TRAPPC12: variants seen among roughly 807,000 people sequenced by gnomAD.
The protein encoded by TRAPPC12 is trafficking protein particle complex subunit 12.
Under a neutral mutation model 69.2 loss-of-function variants are expected in TRAPPC12, and 61 were observed. The observed-to-expected ratio is 0.88, with a 90% CI of 0.72 to 1.09. The LOEUF (loss-of-function observed/expected upper bound fraction) is 1.09, where lower values mean the gene tolerates loss of function less well. Ranked by LOEUF, TRAPPC12 falls within the 50% of genes least tolerant of loss-of-function variation. TRAPPC12 has a pLI of 0.00. For missense variants in TRAPPC12, 1,101 were observed against 1,016.4 expected (o/e 1.08, Z -1.13); for synonymous variants, 469 against 438.9 (o/e 1.07, Z -0.86).
chr2:3,460,392 G>A, intron 8 of TRAPPC12, 56 bp downstream of exon 8: 1 of 834,396 alleles, frequency 1.2e-6, no homozygotes, highest in South Asian at 1.4e-5. Context: ...GGGTCAGTGG[G>A]AGCCGCGAGG....
At chr2:3,447,345 G>A (rs766294581) in intron 6 of TRAPPC12, among the ~76,000 whole-genome samples, 3 of 152,106 alleles carry the variant, frequency 2.0e-5, no homozygotes, top group East Asian at 1.9e-4. Flanking sequence ...TGATCCACCC[G>A]CCTTGGCCTC....
At chr2:3,409,322 G>C (rs565317021) in intron 3 of TRAPPC12, among the ~76,000 whole-genome samples, 2 of 152,210 alleles carry the variant, frequency 1.3e-5, no homozygotes, top group East Asian at 3.9e-4. Flanking sequence ...AAAGTAAACT[G>C]GAACTATAGA....
At chr2:3,422,593 A>G (rs1662873288) in intron 4 of TRAPPC12, among the ~76,000 whole-genome samples, 1 of 152,174 alleles carries the variant, frequency 6.6e-6, no homozygotes, top group African/African-American at 2.4e-5. Context: ...TAAACAGATC[A>G]CCAGATCCTT....
At position 3,387,935 on chromosome 2, in the gene TRAPPC12, C is replaced by T. The variant is rs1660576451; in HGVS notation, c.312C>T (p.Pro104=). The stretch of plus-strand genomic sequence containing the variant: ...GGGAAGGCGACCCAGGCCCGGAGCC[C>T]GCGGGCACCCCGAGTCCCAGCGGCG... The part of the protein sequence containing the change: ...PGGEGDPGPE[P]AGTPSPSGEA... Residue 104 remains proline (P), a synonymous_variant, in exon 2 of 12, where the codon CCC becomes CCT. Transcript: ENST00000324266. The T allele has an allele frequency of 4.7e-6, 7 of 1,504,360 alleles. No individual in the cohort carries two copies. Among genetic ancestry groups the T allele is most frequent in the African/African-American group, 2.9e-5 (2 of 69,890 alleles). The allele number at this position is 1,504,360 out of a possible 1,614,324, so 93.2% of individuals were successfully genotyped here.
rs139564157 is a variant in TRAPPC12 at position 3,464,185 on chromosome 2, T to TCA, written c.1678-1406_1678-1405dup. On this transcript the variant is annotated intron_variant, in intron 8 of 11. Coordinates refer to ENST00000324266, the MANE Select transcript of TRAPPC12 (RefSeq NM_016030.6). Reference sequence around the variant, plus strand: ...ACACGCTCACACTCATACACAATGCTCACACACGCTTACACACACATGCTC... The same window carrying TCA: ...ACACGCTCACACTCATACACAATGCTCACACACACGCTTACACACACATGCTC... Among the ~76,000 whole-genome samples the TCA allele has an allele frequency of 5.0e-3, 767 of 151,912 alleles. 5 individuals carry two copies. Among genetic ancestry groups the TCA allele is most frequent in the African/African-American group, 0.018 (738 of 41,378 alleles).
chr2:3,449,318 A>G (rs1216494914), intron 6 of TRAPPC12: 1 of 152,466 alleles, frequency 6.6e-6, no homozygotes, highest in Non-Finnish European at 1.5e-5. Context: ...TTGTAGTTTC[A>G]TTCGTCAGTG....
intron 6 of TRAPPC12, among the ~76,000 whole-genome samples, chr2:3,444,847 AT>A (rs1040053840): frequency 6.6e-6 from 1 of 152,070 alleles, no homozygotes; most frequent in Admixed American, 6.6e-5. Context: ...ACCCACTTCC[AT>A]TTTTTTATTA....
At chr2:3,474,634 G>A (rs2103172278) in intron 9 of TRAPPC12, among the ~76,000 whole-genome samples, 1 of 152,326 alleles carries the variant, frequency 6.6e-6, no homozygotes, top group South Asian at 2.1e-4. Context: ...CCGGGTTTCT[G>A]CGTTTATAAG....
intron 5 of TRAPPC12, among the ~76,000 whole-genome samples, chr2:3,434,267 A>G (rs1424589518): frequency 6.6e-6 from 1 of 152,156 alleles, no homozygotes; most frequent in Non-Finnish European, 1.5e-5. Flanking sequence ...AAATTCACAC[A>G]CCTTACCTGG....
At chr2:3,419,880 C>T (rs989561973) in intron 3 of TRAPPC12, among the ~76,000 whole-genome samples, 12 of 152,294 alleles carry the variant, frequency 7.9e-5, no homozygotes, top group East Asian at 5.8e-4. Context: ...TGCCACGGGA[C>T]GTGCAGCCGT....
At chr2:3,399,430 T>A (rs1661299424) in intron 2 of TRAPPC12, among the ~76,000 whole-genome samples, 1 of 152,258 alleles carries the variant, frequency 6.6e-6, no homozygotes. Flanking sequence ...ATCAGTTAGC[T>A]GATTTTGTGG....
intron 9 of TRAPPC12, among the ~76,000 whole-genome samples, chr2:3,470,223 C>T (rs1055395260): frequency 1.3e-5 from 2 of 152,222 alleles, no homozygotes; most frequent in Admixed American, 6.5e-5. Context: ...TCAACCCTAG[C>T]GAGGAGGGAG....
At chr2:3,447,640 C>T (rs2103109684) in intron 6 of TRAPPC12, among the ~76,000 whole-genome samples, 1 of 152,298 alleles carries the variant, frequency 6.6e-6, no homozygotes, top group African/African-American at 2.4e-5. Flanking sequence ...CACTGGAGCT[C>T]ACATTTCAAC....
intron 5 of TRAPPC12, among the ~76,000 whole-genome samples, chr2:3,436,066 T>G (rs1663756345): frequency 1.3e-5 from 2 of 152,228 alleles, no homozygotes; most frequent in South Asian, 2.1e-4. Flanking sequence ...CAGCCTCTTG[T>G]GGAGGGCAGG....
At chr2:3,396,039 A>AT (rs1362781810) in intron 2 of TRAPPC12, among the ~76,000 whole-genome samples, 1 of 152,024 alleles carries the variant, frequency 6.6e-6, no homozygotes, top group African/African-American at 2.4e-5. Flanking sequence ...TAGTTCTTGT[A>AT]TTTTTAGTAG....
intron 3 of TRAPPC12, among the ~76,000 whole-genome samples, chr2:3,412,215 A>G (rs74468267): frequency 6.6e-6 from 1 of 152,086 alleles, no homozygotes; most frequent in African/African-American, 2.4e-5. Flanking sequence ...TAAAGGAGAA[A>G]TAGGAATTAA....
intron 1 of TRAPPC12, among the ~76,000 whole-genome samples, chr2:3,381,908 C>T (rs1309178634): frequency 6.6e-6 from 1 of 152,172 alleles, no homozygotes; most frequent in Non-Finnish European, 1.5e-5. Context: ...TTGGATTCAA[C>T]ACTTTTGTTT....
intron 3 of TRAPPC12, among the ~76,000 whole-genome samples, chr2:3,413,217 G>C (rs1410651894): frequency 6.6e-6 from 1 of 152,086 alleles, no homozygotes; most frequent in East Asian, 1.9e-4. Context: ...TTTTTCTGTT[G>C]CTTTTTGTAC....
chr2:3,467,270 G>A (rs1449545448), intron 9 of TRAPPC12, among the ~76,000 whole-genome samples: 1 of 152,220 alleles, frequency 6.6e-6, no homozygotes, highest in Non-Finnish European at 1.5e-5. Context: ...TGCCAAAGGA[G>A]AATGGAGAAA....
Sources: allele counts gnomAD v4.1 joint callset (sites outside exome capture counted in the v4.1 genomes callset), GRCh38; gene constraint gnomAD v4.1.1; transcripts MANE v1.5; gene names NCBI Gene and HGNC (gene_info 2026-07-23, HGNC 2026-07-21).